Variants in ADK observed in about 807,000 individuals in gnomAD.
The protein encoded by ADK is adenosine kinase, also known as N6,N6-dimethyladenosine kinase.
A neutral mutation model predicts 44.7 loss-of-function variants in ADK; 24 were observed. The ratio of observed to expected loss-of-function variants is 0.54; its 90% confidence interval spans 0.39 to 0.76. ADK has a LOEUF of 0.76. Among genes scored for constraint, ADK ranks in the 30% least tolerant of loss-of-function variants. The pLI is 0.00. For missense variants in ADK, 321 were observed against 425.1 expected, an observed-to-expected ratio of 0.76 and a Z score of 2.15; for synonymous variants, 128 against 142.6, an observed-to-expected ratio of 0.90 and a Z score of 0.73.
intron 10 of ADK, among the ~76,000 whole-genome samples, chr10:74,690,224 G>C (rs1016864979): frequency 1.3e-5 from 2 of 152,196 alleles, no homozygotes; most frequent in African/African-American, 4.8e-5. Flanking sequence ...GCTGGGTGTG[G>C]TGGCTCACAC....
chr10:74,537,999 G>A (rs1454823906), intron 7 of ADK, among the ~76,000 whole-genome samples: 1 of 152,150 alleles, frequency 6.6e-6, no homozygotes, highest in East Asian at 1.9e-4. Context: ...GCTCATGCCT[G>A]TAATCCCAGC....
chr10:74,286,309 C>T (rs1296937415), intron 3 of ADK, among the ~76,000 whole-genome samples: 1 of 152,188 alleles, frequency 6.6e-6, no homozygotes, highest in African/African-American at 2.4e-5. Flanking sequence ...GTCCCTGCCT[C>T]CCAAAGCAGT....
intron 1 of ADK, among the ~76,000 whole-genome samples, chr10:74,154,242 C>T (rs973702132): frequency 5.9e-5 from 9 of 151,866 alleles, no homozygotes; most frequent in African/African-American, 1.7e-4. Flanking sequence ...CTCTGTGCCT[C>T]TCAGTTCTCA....
At chr10:74,195,688 CTTTCTTTTTCTTTTCTTTCTT>C (rs1245958575) in intron 1 of ADK, among the ~76,000 whole-genome samples, 3 of 132,766 alleles carry the variant, frequency 2.3e-5, no homozygotes, top group African/African-American at 8.5e-5. Flanking sequence ...TTCTTTCTTT[CTTTCTTTTTCTTTTCTTTCTT>C]TTTTTTTTTT....
intron 6 of ADK, among the ~76,000 whole-genome samples, chr10:74,494,077 C>A (rs1248293982): frequency 6.6e-6 from 1 of 151,986 alleles, no homozygotes; most frequent in African/African-American, 2.4e-5. Context: ...TATTTATGGT[C>A]ATTTTAATTC....
intron 1 of ADK, among the ~76,000 whole-genome samples, chr10:74,195,707 C>CTTT (rs71475265): frequency 0.012 from 1,192 of 97,476 alleles, 37 homozygotes; most frequent in Non-Finnish European, 0.018. Context: ...TCTTTTCTTT[C>CTTT]TTTTTTTTTT....
intron 4 of ADK, among the ~76,000 whole-genome samples, chr10:74,364,377 C>T (rs554024513): frequency 6.6e-6 from 1 of 152,160 alleles, no homozygotes; most frequent in Non-Finnish European, 1.5e-5. Flanking sequence ...ACTTCTTTAT[C>T]TCTGATGCAT....
intron 3 of ADK, among the ~76,000 whole-genome samples, chr10:74,300,963 A>C (rs181533925): frequency 1.1e-3 from 165 of 152,342 alleles, no homozygotes; most frequent in African/African-American, 3.9e-3. Context: ...GCAATCACGG[A>C]GCTTCTACCT....
Position 74,638,301 on chromosome 10 carries a change from T to G in ADK, c.878-31882T>G, listed in dbSNP as rs116714794. Among the ~76,000 whole-genome samples the G allele has an allele frequency of 5.4e-3, 829 of 152,320 alleles. 8 individuals are homozygous for G. The highest frequency in any genetic ancestry group is 0.019 in the African/African-American group (781 of 41,572). ...TATCAATACCACATTAGCTTGATTT[T>G]TTTTATTGCGAGAGATGCAGAAAGA... On this transcript the variant is annotated intron_variant, in intron 9 of 10. Transcript: ENST00000539909.
chr10:74,296,849 C>T (rs796469145), intron 3 of ADK, among the ~76,000 whole-genome samples: 13 of 152,162 alleles, frequency 8.5e-5, no homozygotes, highest in African/African-American at 2.9e-4. Context: ...CTCCTGACCT[C>T]ATTAACCGCC....
rs559116268 is a variant in ADK, at chr10:74,707,602, A to C, written c.965-719A>C. Among the ~76,000 whole-genome samples, 8 of 151,714 alleles carry C rather than the reference A, an allele frequency of 5.3e-5. No individual in the cohort carries two copies. The East Asian group carries it at 1.4e-3, about 26-fold the overall frequency. On this transcript the variant is annotated intron_variant, in intron 10 of 10. Transcript: ENST00000539909. Reference sequence around the variant, plus strand: ...ACATGGTGAAACCCCATCTCTACTAAAAATACAAAAATTAGCTGGGCGTGA... The same window carrying C: ...ACATGGTGAAACCCCATCTCTACTACAAATACAAAAATTAGCTGGGCGTGA...
intron 3 of ADK, among the ~76,000 whole-genome samples, chr10:74,312,445 CAG>C (rs1840468173): frequency 7.0e-6 from 1 of 142,096 alleles, no homozygotes; most frequent in Non-Finnish European, 1.5e-5. Context: ...TTTTTTAGAA[CAG>C]AAAGTTTCTA....
intron 3 of ADK, among the ~76,000 whole-genome samples, chr10:74,232,855 A>G (rs1006481748): frequency 6.6e-6 from 1 of 151,988 alleles, no homozygotes; most frequent in Non-Finnish European, 1.5e-5. Flanking sequence ...CGAACTCCTG[A>G]CCTCGTGATC....
chr10:74,407,798 C>T (rs955457154), intron 6 of ADK, among the ~76,000 whole-genome samples: 1 of 152,134 alleles, frequency 6.6e-6, no homozygotes, highest in Non-Finnish European at 1.5e-5. Context: ...CCTTATTCTG[C>T]CCCTTCTTTG....
chr10:74,587,382 A>C (rs1489350180), intron 7 of ADK, among the ~76,000 whole-genome samples: 1 of 152,194 alleles, frequency 6.6e-6, no homozygotes, highest in Non-Finnish European at 1.5e-5. Context: ...TTCTCTAGTA[A>C]ATAGCGTAAG....
At chr10:74,376,024 T>C (rs545423188) in intron 4 of ADK, among the ~76,000 whole-genome samples, 1 of 152,216 alleles carries the variant, frequency 6.6e-6, no homozygotes, top group South Asian at 2.1e-4. Flanking sequence ...AATTCCCTCA[T>C]TTCCGTCTAA....
chr10:74,394,361 A>G (rs1334067151), intron 5 of ADK, 48 bp downstream of exon 5: 1 of 1,565,908 alleles, frequency 6.4e-7, no homozygotes, highest in Non-Finnish European at 8.8e-7. Flanking sequence ...CTATTTTAAC[A>G]CTGGTAAAAT....
intron 3 of ADK, among the ~76,000 whole-genome samples, chr10:74,278,659 C>CT (rs1208112221): frequency 1.3e-5 from 2 of 152,030 alleles, no homozygotes; most frequent in East Asian, 1.9e-4. Flanking sequence ...CCTTCTTTCA[C>CT]TTTTTTTATT....
At chr10:74,255,065 C>T (rs1354986780) in intron 3 of ADK, among the ~76,000 whole-genome samples, 1 of 151,854 alleles carries the variant, frequency 6.6e-6, no homozygotes, top group Admixed American at 6.6e-5. Context: ...ACCATGAGAT[C>T]CATGGAGGAA....
Sources: gnomAD v4.1 joint callset for allele counts (sites outside exome capture counted in the v4.1 genomes callset) on GRCh38, gnomAD v4.1.1 for gene constraint, MANE v1.5 for transcripts, NCBI Gene and HGNC (gene_info 2026-07-23, HGNC 2026-07-21) for gene names.